Variants in COA6 observed in about 807,000 individuals in gnomAD.
The protein encoded by COA6 is cytochrome c oxidase assembly factor 6.
COA6 carries 12 observed loss-of-function variants against 17.1 expected under a neutral mutation model. The ratio of observed to expected loss-of-function variants is 0.70; its 90% CI spans 0.45 to 1.14. The LOEUF (loss-of-function observed/expected upper bound fraction) is 1.14, where lower values mean the gene tolerates loss of function less well. Among genes scored for constraint, COA6 ranks in the 50% most tolerant of loss-of-function variants. The pLI is 0.00. For synonymous variants in COA6, 90 were observed against 73.4 expected (o/e 1.23, Z -1.16); for missense variants, 246 against 196.5 (o/e 1.25, Z -1.51).
chr1:234,384,758 G>C lies in COA6; in HGVS notation c.*940G>C, dbSNP rs1234795700. On this transcript the variant is annotated 3_prime_UTR_variant, in exon 3 of 3. Transcript: ENST00000366615. ...CCGAAGAGAAAATTTTTGGGAAAAGGAAAAACGAGTAAAAATAATAAAAAT... is the reference window on the plus strand; with the variant it reads ...CCGAAGAGAAAATTTTTGGGAAAAGCAAAAACGAGTAAAAATAATAAAAAT... 6.6e-6 allele frequency among the ~76,000 whole-genome samples: 1 copy of C among 152,018 alleles called. No individual in the cohort carries two copies. The highest frequency in any genetic ancestry group is 2.4e-5 in the African/African-American group (1 of 41,394).
intron 2 of COA6, among the ~76,000 whole-genome samples, chr1:234,376,179 T>C (rs749858438): frequency 5.9e-5 from 9 of 152,076 alleles, no homozygotes; most frequent in South Asian, 2.1e-4. Flanking sequence ...GTTTAAGGAG[T>C]TCCCCTTCGA....
rs1466174296 is a variant in COA6, at chr1:234,383,924, A to C, written c.*106A>C. Reference sequence around the variant, plus strand: ...TAGTGAACATCAATACTTGTTCCCTATATACGACACTTGATAATTAAGATG... The same window carrying C: ...TAGTGAACATCAATACTTGTTCCCTCTATACGACACTTGATAATTAAGATG... On this transcript the variant is annotated 3_prime_UTR_variant, in exon 3 of 3. Transcript: ENST00000366615. The C allele has an allele frequency of 1.9e-6, 1 of 540,232 alleles. No individual in the cohort carries two copies. Among genetic ancestry groups the C allele is most frequent in the Admixed American group, 3.4e-5 (1 of 29,522 alleles). 33.5% of individuals were successfully genotyped at this position (540,232 alleles called of 1,614,324 possible). A position where few individuals can be genotyped will look rare whatever the true frequency, so the allele number is the denominator to read the frequency against.
chr1:234,374,536 C>A, intron 2 of COA6, 147 bp downstream of exon 2: 1 of 725,538 alleles, frequency 1.4e-6, no homozygotes, highest in Non-Finnish European at 2.2e-6. Context: ...GGTAATTCAG[C>A]CTTATTTGAC....
At chr1:234,383,216 T>A (rs1659029874) in intron 2 of COA6, among the ~76,000 whole-genome samples, 1 of 152,144 alleles carries the variant, frequency 6.6e-6, no homozygotes, top group Non-Finnish European at 1.5e-5. Flanking sequence ...CTTGAGAAGG[T>A]TCCTGAGTTA....
intron 2 of COA6, among the ~76,000 whole-genome samples, chr1:234,377,477 C>T (rs1658839435): frequency 6.6e-6 from 1 of 152,134 alleles, no homozygotes; most frequent in South Asian, 2.1e-4. Flanking sequence ...GGCCCACACT[C>T]ATGACCTGCA....
chr1:234,374,477 G>C (rs77736101), intron 2 of COA6, 88 bp downstream of exon 2: 1 of 1,344,678 alleles, frequency 7.4e-7, no homozygotes, highest in African/African-American at 1.5e-5. Flanking sequence ...AGCGCTCTCT[G>C]AGGCATGTCA....
At chr1:234,378,546 C>A (rs947048115) in intron 2 of COA6, among the ~76,000 whole-genome samples, 4 of 152,122 alleles carry the variant, frequency 2.6e-5, no homozygotes, top group Non-Finnish European at 5.9e-5. Context: ...CTGGTGAAGA[C>A]GATTCCAGGC....
At chr1:234,373,947 A>G in intron 1 of COA6, 1 of 1,347,466 alleles carries the variant, frequency 7.4e-7, no homozygotes, top group Non-Finnish European at 1.0e-6. Flanking sequence ...GGACAGAACC[A>G]CAGTTCTCAG....
rs1460389039 is a variant in COA6 at position 234,373,522 on chromosome 1, T to G, written c.56T>G (p.Leu19Trp). The change falls in exon 1 of 3, where the codon TTG (leucine) becomes TGG (tryptophan). Residue 19 changes from leucine (L) to tryptophan (W), a missense_variant. Coordinates refer to ENST00000366615, the MANE Select transcript of COA6 (RefSeq NM_001206641.3). ...SPRFRRVSCF[L>W]RLGRSTLLEL... The stretch of plus-strand genomic sequence containing the variant: ...CGGTTTCGCCGCGTGAGTTGCTTTT[T>G]GCGGCTGGGGAGGTCTACGCTTCTA... 3.7e-6 allele frequency: 6 copies of G among 1,608,618 alleles called. No homozygotes were observed. Among genetic ancestry groups the G allele is most frequent in the Non-Finnish European group, 4.2e-6 (5 of 1,177,516 alleles).
At chr1:234,376,023 T>C (rs1179956024) in intron 2 of COA6, among the ~76,000 whole-genome samples, 1 of 152,174 alleles carries the variant, frequency 6.6e-6, no homozygotes, top group Non-Finnish European at 1.5e-5. Context: ...CGTGGGATTG[T>C]TATGACAACA....
At chr1:234,382,826 A>G (rs1471580748) in intron 2 of COA6, among the ~76,000 whole-genome samples, 3 of 152,050 alleles carry the variant, frequency 2.0e-5, no homozygotes, top group African/African-American at 7.2e-5. Flanking sequence ...CCAAGATGGC[A>G]AAACCCCATC....
At chr1:234,374,140 G>A (rs1658711180) in intron 1 of COA6, 90 bp from the exon 2 acceptor site, 8 of 1,148,962 alleles carry the variant, frequency 7.0e-6, no homozygotes, top group East Asian at 2.4e-5. Flanking sequence ...AGTTTTAAAG[G>A]AAGAGGAGAT....
In COA6 at chr1:234,384,978, TGTCTA is replaced by T. The variant is rs1439874527; in HGVS notation, c.*1163_*1167del. On this transcript the variant is annotated 3_prime_UTR_variant, in exon 3 of 3. Coordinates refer to ENST00000366615, the MANE Select transcript of COA6 (RefSeq NM_001206641.3). ...CACATAGAAGTTATGTTTATACTGT[TGTCTA>T]GTAAGTGTGCAATAGCATTATGTCT... 2.0e-5 allele frequency among the ~76,000 whole-genome samples: 3 copies of T among 152,230 alleles called. No homozygotes were observed. The highest frequency in any genetic ancestry group is 4.8e-5 in the African/African-American group (2 of 41,460).
rs1459509701 is a variant in COA6, at chr1:234,373,465, A to G, written c.-2A>G. 1 of 1,517,472 alleles carries G rather than the reference A, an allele frequency of 6.6e-7. No individual in the cohort carries two copies. The highest frequency in any genetic ancestry group is 8.8e-7 in the Non-Finnish European group (1 of 1,132,584). 94.0% of individuals were successfully genotyped at this position (1,517,472 alleles called of 1,614,324 possible). A position where few individuals can be genotyped will look rare whatever the true frequency, so the allele number is the denominator to read the frequency against. On this transcript the variant is annotated 5_prime_UTR_variant, in exon 1 of 3. Transcript: ENST00000366615. ...GAAGTCCCGCCCCTCTATGGAAAGTAAATGGTAGCTCGGAAGGGTCAAAAG... is the reference window on the plus strand; with the variant it reads ...GAAGTCCCGCCCCTCTATGGAAAGTGAATGGTAGCTCGGAAGGGTCAAAAG...
chr1:234,381,405 CAA>C, intron 2 of COA6, among the ~76,000 whole-genome samples: 1 of 152,138 alleles, frequency 6.6e-6, no homozygotes, highest in East Asian at 1.9e-4. Flanking sequence ...GGCATGGAAT[CAA>C]GACGCGCAGG....
At position 234,383,944 on chromosome 1, in the gene COA6, A is replaced by C. The variant is rs1659058116; in HGVS notation, c.*126A>C. On this transcript the variant is annotated 3_prime_UTR_variant, in exon 3 of 3. Coordinates refer to ENST00000366615, the MANE Select transcript of COA6 (RefSeq NM_001206641.3). Reference sequence around the variant, plus strand: ...TCCCTATATACGACACTTGATAATTAAGATGATCAAGAACCAGAAGATCTG... The same window carrying C: ...TCCCTATATACGACACTTGATAATTCAGATGATCAAGAACCAGAAGATCTG... 2.2e-6 allele frequency: 1 copy of C among 462,918 alleles called. No homozygotes were observed. The highest frequency in any genetic ancestry group is 2.0e-5 in the African/African-American group (1 of 50,048). The allele number at this position is 462,918 out of a possible 1,614,324, so 28.7% of individuals were successfully genotyped here.
At chr1:234,383,034 G>GA (rs1659019788) in intron 2 of COA6, among the ~76,000 whole-genome samples, 1 of 86,842 alleles carries the variant, frequency 1.2e-5, no homozygotes, top group Admixed American at 1.1e-4. Flanking sequence ...AGAGAGAGAA[G>GA]GAAGGGAGGG....
At position 234,374,386 on chromosome 1, in the gene COA6, G is replaced by C. The variant is rs765694195; in HGVS notation, c.369G>C (p.Gln123His). The C allele has an allele frequency of 1.2e-6, 2 of 1,614,012 alleles. No homozygotes were observed. Among genetic ancestry groups the C allele is most frequent in the Non-Finnish European group, 1.7e-6 (2 of 1,179,948 alleles). The change falls in exon 2 of 3, where the codon CAG becomes CAC. Residue 123 changes from glutamine (Q) to histidine (H), a missense_variant. By Grantham distance (24) the Gln-to-His change is conservative. Coordinates refer to ENST00000366615, the MANE Select transcript of COA6 (RefSeq NM_001206641.3). ...RSSFESSCPQQWIKYFDKRRD... is the reference protein window; with the variant it reads ...RSSFESSCPQHWIKYFDKRRD... ...CTTTCGAATCAAGTTGTCCCCAACA[G>C]TGGGTAAGTCACACTTTGATGTGTT...
chr1:234,375,263 C>T (rs555191018), intron 2 of COA6, among the ~76,000 whole-genome samples: 112 of 152,242 alleles, frequency 7.4e-4, no homozygotes, highest in African/African-American at 2.3e-3. Context: ...GCCAAGATCA[C>T]GCCACTGCAT....
Sources: gnomAD v4.1 joint callset for allele counts (sites outside exome capture counted in the v4.1 genomes callset) on GRCh38, gnomAD v4.1.1 for gene constraint, MANE v1.5 for transcripts, NCBI Gene and HGNC (gene_info 2026-07-23, HGNC 2026-07-21) for gene names.